TMEM106C: variants seen among roughly 807,000 people sequenced by gnomAD.
TMEM106C encodes the protein endoplasmic reticulum membrane protein overexpressed in cancer.
In TMEM106C, 27 loss-of-function variants were observed where a neutral mutation model predicts 30.8. The observed-to-expected ratio is 0.88, with a 90% CI of 0.65 to 1.21. TMEM106C has a LOEUF of 1.21. TMEM106C is among the 50% of genes most tolerant of loss of function. The pLI is 0.00. For synonymous variants in TMEM106C, 123 were observed against 118.8 expected, an observed-to-expected ratio of 1.04 and a Z score of -0.23; for missense variants, 288 against 307.8, an observed-to-expected ratio of 0.94 and a Z score of 0.48.
chr12:47,965,738 C>G (rs1359546198), intron 3 of TMEM106C, 100 bp from the exon 4 acceptor site: 6 of 1,462,944 alleles, frequency 4.1e-6, no homozygotes, highest in Non-Finnish European at 4.7e-6. Flanking sequence ...TGGAACTTCC[C>G]TTTCAGCTCC....
chr12:47,964,465 A>T, intron 2 of TMEM106C, 42 bp downstream of exon 2: 1 of 1,596,730 alleles, frequency 6.3e-7, no homozygotes, highest in Non-Finnish European at 8.6e-7. Flanking sequence ...ATCCCAAGGT[A>T]CCCTCGGAGT....
chr12:47,968,310 C>T lies in TMEM106C; in HGVS notation c.*81C>T, dbSNP rs768643549. On this transcript the variant is annotated 3_prime_UTR_variant, in exon 8 of 8. Transcript: ENST00000429772. ...CCCAAGGCCTGAGTTCTGGACCTAC[C>T]CCCACGTGGTGTAAGCAGAGGAGGA... is the stretch of plus-strand genomic sequence containing the variant. 13 of 1,094,592 alleles carry T rather than the reference C, an allele frequency of 1.2e-5. 1 individual carries two copies. In the South Asian group the frequency reaches 1.5e-4, roughly 13 times the overall value. The allele number at this position is 1,094,592 out of a possible 1,614,324, so 67.8% of individuals were successfully genotyped here.
chr12:47,965,975 C>T lies in TMEM106C; in HGVS notation c.389C>T (p.Ser130Phe). 2 of 1,614,208 alleles carry T rather than the reference C, an allele frequency of 1.2e-6. No individual in the cohort carries two copies. Among genetic ancestry groups the T allele is most frequent in the Non-Finnish European group, 8.5e-7 (1 of 1,180,038 alleles). The change falls in exon 4 of 8, where the codon TCC becomes TTC. Residue 130 changes from serine to phenylalanine, a missense_variant. Physicochemically the swap from Ser to Phe is radical, Grantham distance 155. Coordinates refer to ENST00000429772, the MANE Select transcript of TMEM106C (RefSeq NM_001143842.2). ...AAAGTCACATTTAATAAGCAAGACT[C>T]CCTTGTAATTCTCACCATCATGGTA... The part of the protein sequence containing the change: ...VVKVTFNKQD[S>F]LVILTIMATL...
rs1002577078 is a variant in TMEM106C, at chr12:47,968,745, G to T, written c.*516G>T. On this transcript the variant is annotated 3_prime_UTR_variant, in exon 8 of 8. Coordinates refer to ENST00000429772, the MANE Select transcript of TMEM106C (RefSeq NM_001143842.2). ...TTTTTGAAAAGAAAGAAAAAAGTGT[G>T]TTGGCTTTTTTTTTTTTTAGAAAGT... 2.9e-5 allele frequency: 4 copies of T among 137,414 alleles called. No homozygotes were observed. The highest frequency in any genetic ancestry group is 2.7e-4 in the East Asian group (1 of 3,704). 8.5% of individuals were successfully genotyped at this position (137,414 alleles called of 1,614,324 possible). A position where few individuals can be genotyped will look rare whatever the true frequency, so the allele number is the denominator to read the frequency against.
chr12:47,964,647 T>A, intron 2 of TMEM106C: 1 of 556,334 alleles, frequency 1.8e-6, no homozygotes, highest in South Asian at 2.0e-5. Context: ...CTTGTTCTTT[T>A]CCTGAGGTTT....
intron 3 of TMEM106C, 179 bp downstream of exon 3, chr12:47,965,524 T>G (rs1422024104): frequency 1.5e-6 from 1 of 672,510 alleles, no homozygotes; most frequent in African/African-American, 1.8e-5. Flanking sequence ...GGAAAGAAAC[T>G]TGAAGCTGGA....
At chr12:47,964,132 A>T in intron 1 of TMEM106C, 77 bp from the exon 2 acceptor site, 4 of 1,335,982 alleles carry the variant, frequency 3.0e-6, no homozygotes, top group Admixed American at 2.2e-5. Flanking sequence ...TTGCGTTTTT[A>T]ATTTTCTTAT....
chr12:47,966,283 G>A (rs1014785091), intron 5 of TMEM106C, 54 bp downstream of exon 5: 1 of 1,594,076 alleles, frequency 6.3e-7, no homozygotes, highest in Non-Finnish European at 8.6e-7. Flanking sequence ...AGAGTAGGGG[G>A]CTGTAGGAAT....
chr12:47,967,210 T>G lies in TMEM106C; in HGVS notation c.605T>G (p.Phe202Cys), dbSNP rs200676671. The change falls in exon 7 of 8, where the codon TTC becomes TGC. Residue 202 changes from phenylalanine (F) to cysteine (C), a missense_variant and splice_region_variant. Physicochemically the swap from Phe to Cys is radical, Grantham distance 205 (BLOSUM62 -2). Transcript: ENST00000429772. ...TTTCCATATTTGCTGTTTGGTAGCT[T>G]CTTCTGCACGGTACCTGAGATCCTG... Reference protein sequence around the residue: ...EMGGPFSYVYFFCTVPEILVH... With the variant: ...EMGGPFSYVYCFCTVPEILVH... 28 of 1,614,052 alleles carry G rather than the reference T, an allele frequency of 1.7e-5. No homozygotes were observed. The highest frequency in any genetic ancestry group is 1.6e-4 in the South Asian group (15 of 91,068).
At chr12:47,967,506 AAC>A (rs1938279301) in intron 7 of TMEM106C, among the ~76,000 whole-genome samples, 1 of 152,228 alleles carries the variant, frequency 6.6e-6, no homozygotes, top group South Asian at 2.1e-4. Context: ...AGTTTAACTA[AAC>A]ACTTGATCCC....
At chr12:47,967,000 T>C (rs1012562383) in intron 6 of TMEM106C, 139 of 660,042 alleles carry the variant, frequency 2.1e-4, no homozygotes, top group Non-Finnish European at 3.3e-4. Context: ...CCAGCACTTA[T>C]GTGATGGGTT....
At chr12:47,967,836 G>A (rs1938290507) in intron 7 of TMEM106C, among the ~76,000 whole-genome samples, 1 of 152,116 alleles carries the variant, frequency 6.6e-6, no homozygotes, top group Non-Finnish European at 1.5e-5. Flanking sequence ...GATCCCAGTA[G>A]TAAACCCTCC....
intron 1 of TMEM106C, 25 bp from the exon 2 acceptor site, chr12:47,964,184 C>T: frequency 6.4e-7 from 1 of 1,571,592 alleles, no homozygotes; most frequent in South Asian, 1.1e-5. Context: ...GGGCCGCTAA[C>T]GTGCACTCCC....
At chr12:47,965,241 A>G (rs1208305886) in intron 2 of TMEM106C, 41 bp from the exon 3 acceptor site, 2 of 1,572,524 alleles carry the variant, frequency 1.3e-6, no homozygotes, top group Admixed American at 1.7e-5. Flanking sequence ...AGTACTGCCA[A>G]CACATGGGAT....
chr12:47,965,248 G>A, intron 2 of TMEM106C, 34 bp from the exon 3 acceptor site: 1 of 1,594,810 alleles, frequency 6.3e-7, no homozygotes, highest in Non-Finnish European at 8.6e-7. Flanking sequence ...CCAACACATG[G>A]GATTTACAAA....
rs1333760922 is a variant in TMEM106C, at chr12:47,966,146, A to C, written c.469A>C (p.Ser157Arg). 1 of 1,614,124 alleles carries C rather than the reference A, an allele frequency of 6.2e-7. No homozygotes were observed. The highest frequency in any genetic ancestry group is 8.5e-7 in the Non-Finnish European group (1 of 1,180,058). ...CACGGTGGCAGTGACCAGCCTGTCC[A>C]GCCAGATTCAGTACATGAACACAGT... ...FYTVAVTSLSSQIQYMNTVVS... is the reference protein window; with the variant it reads ...FYTVAVTSLSRQIQYMNTVVS... The change falls in exon 5 of 8, where the codon AGC becomes CGC. Residue 157 changes from serine (S) to arginine (R), a missense_variant. Physicochemically the swap from Ser to Arg is moderately radical, Grantham distance 110 (BLOSUM62 -1). Coordinates refer to ENST00000429772, the MANE Select transcript of TMEM106C (RefSeq NM_001143842.2).
At position 47,968,478 on chromosome 12, in the gene TMEM106C, G is replaced by T; in HGVS notation, c.*249G>T. 1.8e-6 allele frequency: 1 copy of T among 548,320 alleles called. No individual in the cohort carries two copies. Among genetic ancestry groups the T allele is most frequent in the Non-Finnish European group, 3.4e-6 (1 of 295,842 alleles). The allele number at this position is 548,320 out of a possible 1,614,324, so 34.0% of individuals were successfully genotyped here. On this transcript the variant is annotated 3_prime_UTR_variant, in exon 8 of 8. Coordinates refer to ENST00000429772, the MANE Select transcript of TMEM106C (RefSeq NM_001143842.2). ...AATAGTTGGCACTCAATAAAGATTT[G>T]CAGAATTTAATACAGATCTTTTCAG... is the stretch of plus-strand genomic sequence containing the variant.
rs938735333 is a variant in TMEM106C, at chr12:47,964,212, A to G, written c.-25A>G. 3 of 1,608,354 alleles carry G rather than the reference A, an allele frequency of 1.9e-6. No individual in the cohort carries two copies. Among genetic ancestry groups the G allele is most frequent in the African/African-American group, 1.3e-5 (1 of 74,860 alleles). On this transcript the variant is annotated 5_prime_UTR_variant, in exon 2 of 8. It removes an upstream start codon present in the reference 5' UTR. Transcript: ENST00000429772. ...GCACTCCCTCTTTTCATCTTAGGAC[A>G]TGACACCAGTGGCATATCACGGCCA...
In TMEM106C at chr12:47,967,295, C is replaced by T. The variant is rs200426914; in HGVS notation, c.656+34C>T. 1,151 of 1,611,584 alleles carry T rather than the reference C, an allele frequency of 7.1e-4. 2 individuals carry two copies. Among genetic ancestry groups the T allele is most frequent in the South Asian group, 9.3e-4 (85 of 91,036 alleles). Reference sequence around the variant, plus strand: ...CTCTTCCCTATCCCGATGGCCTGTCCGGCCATGTGAGCCTACCACCTTTGC... The same window carrying T: ...CTCTTCCCTATCCCGATGGCCTGTCTGGCCATGTGAGCCTACCACCTTTGC... On this transcript the variant is annotated intron_variant, in intron 7 of 7. Coordinates refer to ENST00000429772, the MANE Select transcript of TMEM106C (RefSeq NM_001143842.2).
Sources: allele counts gnomAD v4.1 joint callset (sites outside exome capture counted in the v4.1 genomes callset), GRCh38; gene constraint gnomAD v4.1.1; transcripts MANE v1.5; gene names NCBI Gene and HGNC (gene_info 2026-07-23, HGNC 2026-07-21).